The following SPATA6 variants were observed in gnomAD, a reference collection of about 807,000 sequenced individuals.
The protein encoded by SPATA6 is spermatogenesis associated 6.
A neutral mutation model predicts 65.3 loss-of-function variants in SPATA6; 56 were observed. That is an observed-to-expected ratio of 0.86 (90% CI 0.69 to 1.07). The LOEUF (loss-of-function observed/expected upper bound fraction) is 1.07. SPATA6 is among the 50% of genes least tolerant of loss of function. The pLI is 0.00. For synonymous variants in SPATA6, 199 were observed against 213.2 expected, an observed-to-expected ratio of 0.93 and a Z score of 0.58; for missense variants, 590 against 594.8, an observed-to-expected ratio of 0.99 and a Z score of 0.08.
chr1:48,291,685 A>C (rs1644769157), downstream of SPATA6, among the ~76,000 whole-genome samples: 1 of 152,200 alleles, frequency 6.6e-6, no homozygotes. Flanking sequence ...CAGCTGAGAA[A>C]GCAAGCGGAC....
At chr1:48,328,273 T>A (rs553335862) in intron 11 of SPATA6, among the ~76,000 whole-genome samples, 1 of 152,244 alleles carries the variant, frequency 6.6e-6, no homozygotes, top group African/African-American at 2.4e-5. Flanking sequence ...TTCCTCAAAA[T>A]GGTCAAAATA....
At chr1:48,349,982 G>A (rs1170787599) in intron 11 of SPATA6, among the ~76,000 whole-genome samples, 1 of 151,802 alleles carries the variant, frequency 6.6e-6, no homozygotes, top group Non-Finnish European at 1.5e-5. Context: ...AAAGACCTAG[G>A]AGTAGGATTG....
chr1:48,270,463 G>C, the SPATA6 span, among the ~76,000 whole-genome samples: 1 of 152,058 alleles, frequency 6.6e-6, no homozygotes, highest in Admixed American at 6.5e-5. Context: ...TTGAGAGGCA[G>C]AGTTGGGTTT....
intron 3 of SPATA6, among the ~76,000 whole-genome samples, chr1:48,442,377 C>T (rs182399205): frequency 4.5e-4 from 69 of 152,100 alleles, no homozygotes; most frequent in African/African-American, 1.4e-3. Context: ...CATTAAATAC[C>T]ACAAGGAAAT....
chr1:48,409,854 C>A (rs529176064), intron 5 of SPATA6, among the ~76,000 whole-genome samples: 16 of 152,340 alleles, frequency 1.1e-4, no homozygotes, highest in Middle Eastern at 3.4e-3. Context: ...AGCACAGGGA[C>A]CCTGGGCCTA....
At chr1:48,435,984 C>T in intron 3 of SPATA6, 1 of 1,604,048 alleles carries the variant, frequency 6.2e-7, no homozygotes, top group Non-Finnish European at 8.5e-7. Context: ...TTTTGGATTG[C>T]TTCTGCACTT....
chr1:48,323,634 G>C (rs61772952), intron 11 of SPATA6, among the ~76,000 whole-genome samples: 1 of 146,760 alleles, frequency 6.8e-6, no homozygotes. Context: ...AAAAAAAGAG[G>C]AGACCCAAAT....
intron 8 of SPATA6, among the ~76,000 whole-genome samples, chr1:48,393,092 G>A (rs573660869): frequency 6.6e-6 from 1 of 152,206 alleles, no homozygotes; most frequent in South Asian, 2.1e-4. Flanking sequence ...TATGCGAAAG[G>A]AGTCAAAGTT....
chr1:48,327,225 G>A (rs1416039300), intron 11 of SPATA6, among the ~76,000 whole-genome samples: 4 of 152,026 alleles, frequency 2.6e-5, no homozygotes, highest in Non-Finnish European at 5.9e-5. Flanking sequence ...AATAAAAGCG[G>A]CTAACAAACA....
At chr1:48,290,126 G>A in the SPATA6 span, among the ~76,000 whole-genome samples, 1 of 152,222 alleles carries the variant, frequency 6.6e-6, no homozygotes, top group Non-Finnish European at 1.5e-5. Context: ...ACAAAGGGAA[G>A]CCCATCAGAC....
intron 5 of SPATA6, among the ~76,000 whole-genome samples, chr1:48,408,062 A>G (rs1037657255): frequency 6.6e-5 from 10 of 152,244 alleles, no homozygotes; most frequent in African/African-American, 2.4e-4. Flanking sequence ...AATATCCCCA[A>G]AGAAAGTATA....
chr1:48,284,612 T>C, the SPATA6 span, among the ~76,000 whole-genome samples: 4 of 152,230 alleles, frequency 2.6e-5, no homozygotes, highest in Admixed American at 1.3e-4. Context: ...GGATGGGGTT[T>C]CTGTGTGGAC....
chr1:48,341,500 T>C (rs1223512556), intron 11 of SPATA6, among the ~76,000 whole-genome samples: 2 of 152,188 alleles, frequency 1.3e-5, no homozygotes, highest in Non-Finnish European at 2.9e-5. Flanking sequence ...AGATTGACTG[T>C]GGTAGTATTA....
At chr1:48,426,084 C>A (rs559080377) in intron 3 of SPATA6, among the ~76,000 whole-genome samples, 1 of 152,098 alleles carries the variant, frequency 6.6e-6, no homozygotes, top group East Asian at 1.9e-4. Flanking sequence ...ATATAACTGG[C>A]AAATGGCTTG....
intron 9 of SPATA6, among the ~76,000 whole-genome samples, chr1:48,376,529 A>T (rs545108995): frequency 2.4e-4 from 32 of 134,576 alleles, no homozygotes; most frequent in African/African-American, 8.0e-4. Flanking sequence ...CCTGGAATTT[A>T]AAAAAAAAAA....
chr1:48,384,110 G>A (rs1168836056), intron 9 of SPATA6, among the ~76,000 whole-genome samples: 1 of 150,604 alleles, frequency 6.6e-6, no homozygotes, highest in Non-Finnish European at 1.5e-5. Flanking sequence ...GAGGCTGGCG[G>A]ATCACTCGTG....
At chr1:48,332,020 A>G (rs1047581167) in intron 11 of SPATA6, among the ~76,000 whole-genome samples, 1 of 152,230 alleles carries the variant, frequency 6.6e-6, no homozygotes, top group African/African-American at 2.4e-5. Flanking sequence ...ATTTGATCCT[A>G]TTCAAATGCT....
intron 12 of SPATA6, among the ~76,000 whole-genome samples, chr1:48,303,444 G>A (rs1569993593): frequency 6.6e-6 from 1 of 152,038 alleles, no homozygotes; most frequent in African/African-American, 2.4e-5. Flanking sequence ...CCCCTTCCCA[G>A]TCCCTGGTAA....
intron 9 of SPATA6, among the ~76,000 whole-genome samples, chr1:48,371,145 A>T (rs970286440): frequency 2.0e-5 from 3 of 152,222 alleles, no homozygotes; most frequent in Non-Finnish European, 4.4e-5. Context: ...AGTTTATTCA[A>T]ATAATACAAG....
Sources: allele counts gnomAD v4.1 joint callset (sites outside exome capture counted in the v4.1 genomes callset), GRCh38; gene constraint gnomAD v4.1.1; transcripts MANE v1.5; gene names NCBI Gene and HGNC (gene_info 2026-07-23, HGNC 2026-07-21).